Variants in TIMP2 observed in about 807,000 individuals in gnomAD.
TIMP2 encodes TIMP metallopeptidase inhibitor 2, also known as metalloproteinase inhibitor 2.
In TIMP2, 5 loss-of-function variants were observed where a neutral mutation model predicts 24.3. That is an observed-to-expected ratio of 0.21 (90% CI 0.11 to 0.43). TIMP2 has a LOEUF of 0.43. TIMP2 is among the 20% of genes least tolerant of loss of function. The probability of loss-of-function intolerance (pLI) is 1.00; values close to 1 mark genes in which losing one functional copy is unlikely to be tolerated. For missense variants in TIMP2, 221 were observed against 297.5 expected (o/e 0.74, Z 1.89); for synonymous variants, 130 against 123.2 (o/e 1.06, Z -0.37).
intron 1 of TIMP2, among the ~76,000 whole-genome samples, chr17:78,890,135 A>C (rs538576745): frequency 1.1e-3 from 160 of 152,026 alleles, no homozygotes; most frequent in African/African-American, 3.4e-3. Flanking sequence ...ATCAATCAAT[A>C]AAGGCAAGAT....
chr17:78,890,764 G>A (rs1019475382), intron 1 of TIMP2: 30 of 1,550,498 alleles, frequency 1.9e-5, no homozygotes, highest in East Asian at 2.4e-5. Context: ...GGTCGTCGTC[G>A]GCGAGGCTGG....
chr17:78,895,905 C>G (rs972092702), intron 1 of TIMP2, among the ~76,000 whole-genome samples: 1 of 152,228 alleles, frequency 6.6e-6, no homozygotes, highest in Non-Finnish European at 1.5e-5. Context: ...ATTAGTAAAA[C>G]CTGGACAAGT....
At chr17:78,873,584 C>T (rs191579457) in intron 2 of TIMP2, among the ~76,000 whole-genome samples, 7 of 152,348 alleles carry the variant, frequency 4.6e-5, no homozygotes, top group Admixed American at 6.5e-5. Flanking sequence ...TGAGCCGCAA[C>T]GCCCGGACAG....
chr17:78,891,428 A>G lies in TIMP2; in HGVS notation c.131-17509T>C, dbSNP rs1231047007. The G allele has an allele frequency of 6.4e-7, 1 of 1,550,886 alleles. No individual in the cohort carries two copies. Among genetic ancestry groups the G allele is most frequent in the Non-Finnish European group, 8.7e-7 (1 of 1,147,050 alleles). ...GGGCTTCAGTGCCAGGTACAAGCAC[A>G]GGTGTTTTTTCAGCTTTCTGTTTAT... On this transcript the variant is annotated intron_variant, in intron 1 of 4. Transcript: ENST00000262768. The surrounding 1 kb of genome is among the most constrained non-coding windows in gnomAD (Gnocchi z 4.5).
chr17:78,860,536 G>A (rs779519504), intron 3 of TIMP2, among the ~76,000 whole-genome samples: 4 of 152,182 alleles, frequency 2.6e-5, no homozygotes, highest in African/African-American at 4.8e-5. Context: ...TCCTGGGCAC[G>A]GGGCACTCAT....
At chr17:78,873,709 C>T in intron 2 of TIMP2, 110 bp downstream of exon 2, 1 of 801,164 alleles carries the variant, frequency 1.2e-6, no homozygotes, top group Non-Finnish European at 2.1e-6. Context: ...ATCCTCTGCT[C>T]TAGTCCACAG....
At chr17:78,877,764 T>G (rs1052023255) in intron 1 of TIMP2, among the ~76,000 whole-genome samples, 1 of 150,874 alleles carries the variant, frequency 6.6e-6, no homozygotes. Context: ...AGTGCAATGG[T>G]GCAATCTTGG....
At position 78,924,468 on chromosome 17, in the gene TIMP2, G is replaced by C. The variant is rs1333895405; in HGVS notation, c.130+491C>G. On this transcript the variant is annotated intron_variant, in intron 1 of 4. Coordinates refer to ENST00000262768, the MANE Select transcript of TIMP2 (RefSeq NM_003255.5). This position sits in a 1 kb window ranked among gnomAD's most constrained non-coding sequence, Gnocchi z 5.3. ...TTCCATCCCACCCTGGCTTGATCGGGGAGCCCCCAAATGGGGCTGGTGGGA... is the reference window on the plus strand; with the variant it reads ...TTCCATCCCACCCTGGCTTGATCGGCGAGCCCCCAAATGGGGCTGGTGGGA... Among the ~76,000 whole-genome samples, 4 of 152,208 alleles carry C rather than the reference G, an allele frequency of 2.6e-5. No individual in the cohort carries two copies. Among genetic ancestry groups the C allele is most frequent in the Non-Finnish European group, 5.9e-5 (4 of 68,038 alleles).
intron 1 of TIMP2, among the ~76,000 whole-genome samples, chr17:78,874,758 T>C (rs962429427): frequency 8.6e-5 from 13 of 151,560 alleles, no homozygotes; most frequent in Non-Finnish European, 1.2e-4. Context: ...TTTTTTTTTT[T>C]CAGACGGAGT....
chr17:78,867,594 CTTT>C (rs58975858), intron 3 of TIMP2, among the ~76,000 whole-genome samples: 27 of 127,618 alleles, frequency 2.1e-4, no homozygotes, highest in Admixed American at 2.4e-4. Context: ...TTTGTACCTT[CTTT>C]TTTTTTTTTT....
chr17:78,863,015 T>C (rs909592674), intron 3 of TIMP2, among the ~76,000 whole-genome samples: 1 of 152,240 alleles, frequency 6.6e-6, no homozygotes, highest in Admixed American at 6.5e-5. Context: ...AGTGCGGTAA[T>C]GAACATACGG....
At chr17:78,907,315 C>A (rs954994531) in intron 1 of TIMP2, among the ~76,000 whole-genome samples, 1 of 152,214 alleles carries the variant, frequency 6.6e-6, no homozygotes, top group Non-Finnish European at 1.5e-5. Flanking sequence ...GAATTACAGG[C>A]ATGAGTCCCC....
In TIMP2 at chr17:78,861,913, G is replaced by C. The variant is rs9890933; in HGVS notation, c.341-4267C>G. Among the ~76,000 whole-genome samples the C allele has an allele frequency of 6.1e-3, 922 of 152,274 alleles. 14 individuals carry two copies. Among genetic ancestry groups the C allele is most frequent in the African/African-American group, 0.021 (861 of 41,556 alleles). On this transcript the variant is annotated intron_variant, in intron 3 of 4. Transcript: ENST00000262768. Reference sequence around the variant, plus strand: ...TTATTGGGCTAACATGAACGTGGCTGTCATGTATAAATGTGAAGAGAGGAC... The same window carrying C: ...TTATTGGGCTAACATGAACGTGGCTCTCATGTATAAATGTGAAGAGAGGAC...
intron 4 of TIMP2, chr17:78,856,591 G>A (rs2069526173): frequency 6.5e-6 from 1 of 152,714 alleles, no homozygotes; most frequent in Non-Finnish European, 1.5e-5. Flanking sequence ...CAGGGAGGGT[G>A]GGGATAGGGT....
intron 1 of TIMP2, chr17:78,892,501 C>A: frequency 6.6e-7 from 1 of 1,508,274 alleles, no homozygotes; most frequent in South Asian, 1.3e-5. Context: ...CAGATCGCTC[C>A]CAGGAGAGTG....
At chr17:78,910,444 T>C (rs536415083) in intron 1 of TIMP2, among the ~76,000 whole-genome samples, 1 of 152,326 alleles carries the variant, frequency 6.6e-6, no homozygotes, top group South Asian at 2.1e-4. Flanking sequence ...CCGCCCACCT[T>C]GGCCTCCCAA....
intron 1 of TIMP2, among the ~76,000 whole-genome samples, chr17:78,911,071 C>T (rs2070202557): frequency 1.3e-5 from 2 of 152,202 alleles, no homozygotes; most frequent in Non-Finnish European, 1.5e-5. Context: ...CATTCCCACC[C>T]ACCGCATATA....
At chr17:78,884,243 A>T (rs1166167537) in intron 1 of TIMP2, among the ~76,000 whole-genome samples, 1 of 152,174 alleles carries the variant, frequency 6.6e-6, no homozygotes, top group Non-Finnish European at 1.5e-5. Flanking sequence ...CTCCGGAGCC[A>T]GGGGCAGCAG....
chr17:78,907,787 G>C (rs1048336683), intron 1 of TIMP2, among the ~76,000 whole-genome samples: 5 of 152,104 alleles, frequency 3.3e-5, no homozygotes, highest in African/African-American at 9.7e-5. Flanking sequence ...GTTCATTCTA[G>C]AGCAACTGGA....
Sources: gnomAD v4.1 joint callset for allele counts (sites outside exome capture counted in the v4.1 genomes callset) on GRCh38, gnomAD v4.1.1 for gene constraint, Gnocchi (gnomAD v3.1) non-coding constraint, MANE v1.5 for transcripts, NCBI Gene and HGNC (gene_info 2026-07-23, HGNC 2026-07-21) for gene names.